MEGF6: variants seen among roughly 807,000 people sequenced by gnomAD.
MEGF6 encodes the protein multiple EGF like domains 6.
In MEGF6, 184 loss-of-function variants were observed where a neutral mutation model predicts 207.1. That is an observed-to-expected ratio of 0.89 (90% CI 0.79 to 1.00). MEGF6 has a LOEUF of 1.00. MEGF6 is among the 50% of genes least tolerant of loss of function. The pLI, the probability that MEGF6 is intolerant of heterozygous loss-of-function variation, is 0.00. For missense variants in MEGF6, 2,282 were observed against 2,202.9 expected (o/e 1.04, Z -0.72); for synonymous variants, 1,038 against 910.0 (o/e 1.14, Z -2.53).
intron 21 of MEGF6, among the ~76,000 whole-genome samples, chr1:3,500,404 A>G (rs1193650760): frequency 6.6e-6 from 1 of 152,238 alleles, no homozygotes; most frequent in Non-Finnish European, 1.5e-5. Flanking sequence ...GGGCTGGGAA[A>G]GCTCAGGAAA....
upstream of MEGF6, among the ~76,000 whole-genome samples, chr1:3,615,338 A>T (rs1321630689): frequency 2.0e-5 from 3 of 152,210 alleles, no homozygotes; most frequent in East Asian, 5.8e-4. Flanking sequence ...CCTGGTGCAG[A>T]GCGCAGGTAT....
chr1:3,586,518 G>C (rs76224458), intron 3 of MEGF6, among the ~76,000 whole-genome samples: 7,778 of 152,212 alleles, frequency 0.051, 387 homozygotes, highest in African/African-American at 0.13. Context: ...GAGGAGAGAC[G>C]TGGGGTGTAG....
intron 2 of MEGF6, among the ~76,000 whole-genome samples, chr1:3,597,714 C>G (rs2101858076): frequency 6.6e-6 from 1 of 152,336 alleles, no homozygotes. Flanking sequence ...GCAGCAGAAG[C>G]TGGGGGCTGT....
chr1:3,562,278 C>T (rs912901571), intron 4 of MEGF6, among the ~76,000 whole-genome samples: 2 of 152,210 alleles, frequency 1.3e-5, no homozygotes, highest in Non-Finnish European at 2.9e-5. Context: ...TTTTCTCTGT[C>T]TCTCTTCATC....
chr1:3,558,041 G>A (rs12069532), intron 4 of MEGF6, among the ~76,000 whole-genome samples: 5,220 of 152,206 alleles, frequency 0.034, 224 homozygotes, highest in African/African-American at 0.1. Flanking sequence ...TCCCCGCTCC[G>A]TGCAGTGGTT....
Position 3,543,866 on chromosome 1 carries a change from T to C in MEGF6, c.482-19620A>G, listed in dbSNP as rs1386273551. ...GGGCTCTGCAGTGTCTGTCATGGAG[T>C]TGACATTCCAGAGGCACACCACCTG... is the stretch of plus-strand genomic sequence containing the variant. On this transcript the variant is annotated intron_variant, in intron 4 of 36. Coordinates refer to ENST00000356575, the MANE Select transcript of MEGF6 (RefSeq NM_001409.4). Among the ~76,000 whole-genome samples, 9 of 151,978 alleles carry C rather than the reference T, an allele frequency of 5.9e-5. No individual in the cohort carries two copies. In the South Asian group the frequency reaches 1.7e-3, roughly 28 times the overall value.
rs568289564 is a variant in MEGF6, at chr1:3,515,176, G to A, written c.730+226C>T. On this transcript the variant is annotated intron_variant, in intron 6 of 36. Transcript: ENST00000356575. The stretch of plus-strand genomic sequence containing the variant: ...AGGACTCAGAGCAAAGTGCCAAACC[G>A]GACTGGCCTGCCTCCTCCTCCCAAG... Among the ~76,000 whole-genome samples the A allele has an allele frequency of 1.3e-4, 20 of 152,304 alleles. No individual in the cohort carries two copies. In the East Asian group the frequency reaches 3.5e-3, roughly 26 times the overall value.
intron 3 of MEGF6, among the ~76,000 whole-genome samples, chr1:3,582,461 T>G (rs2794337): frequency 0.88 from 134,532 of 152,188 alleles, 59,639 homozygotes; most frequent in Middle Eastern, 0.92. Context: ...CCTCGTCTCC[T>G]CCATGACACC....
chr1:3,588,477 C>T lies in MEGF6; in HGVS notation c.376+6861G>A, dbSNP rs1294967907. Among the ~76,000 whole-genome samples, 9 of 82,804 alleles carry T rather than the reference C, an allele frequency of 1.1e-4. No homozygotes were observed. The East Asian group carries it at 3.0e-3, about 28-fold the overall frequency. The allele number at this position is 82,804 out of a possible 152,430, so 54.3% of individuals were successfully genotyped here. ...GGGGGCAGGAGGGGACAGGAGGGGG[C>T]AGGAGTGGCCAGGAGGGGGCAGGAC... On this transcript the variant is annotated intron_variant, in intron 3 of 36. Transcript: ENST00000356575.
At chr1:3,531,041 T>A in intron 4 of MEGF6, 1 of 1,457,106 alleles carries the variant, frequency 6.9e-7, no homozygotes, top group African/African-American at 1.5e-5. Flanking sequence ...GGGAGCGCCC[T>A]GGCCCCGCCC....
rs556052483 is a variant in MEGF6, at chr1:3,536,496, G to A, written c.482-12250C>T. On this transcript the variant is annotated intron_variant, in intron 4 of 36. Transcript: ENST00000356575. ...TAGGGAGGAGCCCGGGCGTGGCCGT[G>A]GGGGGCAGCAGCCCACCGGTAGAGA... Among the ~76,000 whole-genome samples, 318 of 152,266 alleles carry A rather than the reference G, an allele frequency of 2.1e-3. 1 individual carries two copies. The highest frequency in any genetic ancestry group is 7.4e-3 in the African/African-American group (306 of 41,548).
rs1642144485 is a variant in MEGF6 at position 3,531,051 on chromosome 1, C to T, written c.482-6805G>A. 2.7e-6 allele frequency: 4 copies of T among 1,477,732 alleles called. No homozygotes were observed. The East Asian group carries it at 8.5e-5, about 31-fold the overall frequency. 91.5% of individuals were successfully genotyped at this position (1,477,732 alleles called of 1,614,324 possible). ...CGCCGGGGAGCGCCCTGGCCCCGCC[C>T]GCCCTGCCCAGGCTCGCCCGGCGCC... On this transcript the variant is annotated intron_variant, in intron 4 of 36. Coordinates refer to ENST00000356575, the MANE Select transcript of MEGF6 (RefSeq NM_001409.4).
chr1:3,609,494 A>G (rs1013653051), intron 1 of MEGF6, among the ~76,000 whole-genome samples: 4 of 152,236 alleles, frequency 2.6e-5, no homozygotes, highest in African/African-American at 9.6e-5. Flanking sequence ...TCCAGTGGAT[A>G]CGCCTGCAGC....
chr1:3,551,593 C>A (rs1362506871), intron 4 of MEGF6, among the ~76,000 whole-genome samples: 2 of 152,168 alleles, frequency 1.3e-5, no homozygotes, highest in African/African-American at 4.8e-5. Flanking sequence ...TGCGGTCCAG[C>A]TCCCACCCTC....
At position 3,499,228 on chromosome 1, in the gene MEGF6, C is replaced by T. The variant is rs1415951585; in HGVS notation, c.3004G>A (p.Ala1002Thr). The T allele has an allele frequency of 1.9e-6, 3 of 1,606,056 alleles. No homozygotes were observed. The highest frequency in any genetic ancestry group is 1.3e-5 in the African/African-American group (1 of 74,978). The change falls in exon 24 of 37, where the codon GCC (alanine) becomes ACC (threonine). Residue 1002 changes from alanine to threonine, a missense_variant. Transcript: ENST00000356575. ...AHTYGHNCSQ[A>T]CACFNGASCD... ...GAGGCCCCGTTAAAGCAGGCACAGG[C>T]CTGGCTGCAATTGTGCCCGTAGGTG...
At chr1:3,575,051 G>A (rs1214432443) in intron 4 of MEGF6, among the ~76,000 whole-genome samples, 2 of 152,252 alleles carry the variant, frequency 1.3e-5, no homozygotes, top group African/African-American at 2.4e-5. Flanking sequence ...CAAGAGATCT[G>A]TAGAGACTTT....
intron 3 of MEGF6, among the ~76,000 whole-genome samples, chr1:3,592,257 C>A (rs949156481): frequency 6.6e-6 from 1 of 152,224 alleles, no homozygotes; most frequent in Admixed American, 6.5e-5. Flanking sequence ...GGCCTGCAGG[C>A]TTCCCTGCCT....
In MEGF6 at chr1:3,488,741, T is replaced by C. The variant is rs558733625; in HGVS notation, c.*1787A>G. On this transcript the variant is annotated 3_prime_UTR_variant, in exon 37 of 37. Coordinates refer to ENST00000356575, the MANE Select transcript of MEGF6 (RefSeq NM_001409.4). ...TAGTCTGAGGTCAATTTGATTCCCA[T>C]TCTTTTTTCTCTGGGACTTTAGAAT... Among the ~76,000 whole-genome samples, 3 of 152,384 alleles carry C rather than the reference T, an allele frequency of 2.0e-5. No homozygotes were observed. The highest frequency in any genetic ancestry group is 4.4e-5 in the Non-Finnish European group (3 of 68,034).
rs1640291037 is a variant in MEGF6, at chr1:3,490,103, T to C, written c.*425A>G. On this transcript the variant is annotated 3_prime_UTR_variant, in exon 37 of 37. Coordinates refer to ENST00000356575, the MANE Select transcript of MEGF6 (RefSeq NM_001409.4). ...GCAGTGGCCCATAAATACCTTTACATAAATACGGGCTGGGCGACTTCCAGT... is the reference window on the plus strand; with the variant it reads ...GCAGTGGCCCATAAATACCTTTACACAAATACGGGCTGGGCGACTTCCAGT... 1 of 197,454 alleles carries C rather than the reference T, an allele frequency of 5.1e-6. No homozygotes were observed. Among genetic ancestry groups the C allele is most frequent in the South Asian group, 9.8e-5 (1 of 10,218 alleles). 12.2% of individuals were successfully genotyped at this position (197,454 alleles called of 1,614,324 possible). A position where few individuals can be genotyped will look rare whatever the true frequency, so the allele number is the denominator to read the frequency against.
Sources: gnomAD v4.1 joint callset for allele counts (sites outside exome capture counted in the v4.1 genomes callset) on GRCh38, gnomAD v4.1.1 for gene constraint, MANE v1.5 for transcripts, NCBI Gene and HGNC (gene_info 2026-07-23, HGNC 2026-07-21) for gene names.